The following TRPA1 variants were observed in gnomAD, a reference collection of about 807,000 sequenced individuals.
TRPA1 encodes the protein ankyrin-like with transmembrane domains 1.
Under a neutral mutation model 131.3 loss-of-function variants are expected in TRPA1, and 129 were observed. That is an observed-to-expected ratio of 0.98 (90% confidence interval 0.85 to 1.14). The LOEUF (loss-of-function observed/expected upper bound fraction) is 1.14, where lower values mean the gene tolerates loss of function less well. TRPA1 is among the 50% of genes most tolerant of loss of function. The pLI is 0.00. For missense variants in TRPA1, 1,304 were observed against 1,354.2 expected (o/e 0.96, Z 0.58); for synonymous variants, 441 against 451.7 (o/e 0.98, Z 0.30).
At chr8:72,030,221 G>A (rs1811762128) in intron 23 of TRPA1, among the ~76,000 whole-genome samples, 1 of 152,154 alleles carries the variant, frequency 6.6e-6, no homozygotes, top group Non-Finnish European at 1.5e-5. Flanking sequence ...ATGGCAGAAA[G>A]GCAAAGGAGC....
At chr8:72,034,416 A>C (rs748326758) in intron 21 of TRPA1, 39 bp from the exon 22 acceptor site, 2 of 1,312,512 alleles carry the variant, frequency 1.5e-6, no homozygotes, top group Non-Finnish European at 2.1e-6. Context: ...TCACTTTTAT[A>C]GTCAAAGTGT....
intron 24 of TRPA1, among the ~76,000 whole-genome samples, chr8:72,029,110 A>G (rs1264476290): frequency 6.6e-6 from 1 of 152,238 alleles, no homozygotes; most frequent in Non-Finnish European, 1.5e-5. Context: ...CCTAGCCAGG[A>G]AACTTTGACA....
chr8:72,068,875 G>A (rs1805989414), intron 3 of TRPA1, 148 bp downstream of exon 3: 2 of 822,346 alleles, frequency 2.4e-6, no homozygotes, highest in African/African-American at 1.7e-5. Context: ...TCATTAGTTA[G>A]TGAGAAGTAA....
Position 72,071,744 on chromosome 8 carries a change from T to C in TRPA1, c.235A>G (p.Met79Val). 1 of 1,613,850 alleles carries C rather than the reference T, an allele frequency of 6.2e-7. No homozygotes were observed. The highest frequency in any genetic ancestry group is 8.5e-7 in the Non-Finnish European group (1 of 1,179,858). ...GAGGAATCTCTGGTGATCTTCTCCA[T>C]TAGCTCAATTTGGCCTTCTGCTGCA... ...YAAAEGQIEL[M>V]EKITRDSSLE... Residue 79 changes from methionine (M) to valine (V), a missense_variant, in exon 2 of 27, where the codon ATG becomes GTG. Met to Val is a conservative substitution (Grantham distance 21). Coordinates refer to ENST00000262209, the MANE Select transcript of TRPA1 (RefSeq NM_007332.3).
chr8:72,034,540 A>T (rs1260279719), intron 21 of TRPA1, among the ~76,000 whole-genome samples, 163 bp from the exon 22 acceptor site: 1 of 152,204 alleles, frequency 6.6e-6, no homozygotes, highest in African/African-American at 2.4e-5. Flanking sequence ...TTGAATAATC[A>T]TGTCTTAATT....
In TRPA1 at chr8:72,033,947, CT is replaced by C. The variant is rs1234850887; in HGVS notation, c.2686-122del. 37 of 941,940 alleles carry C rather than the reference CT, an allele frequency of 3.9e-5. No individual in the cohort carries two copies. The East Asian group carries it at 9.1e-4, about 23-fold the overall frequency. 58.3% of individuals were successfully genotyped at this position (941,940 alleles called of 1,614,324 possible). On this transcript the variant is annotated intron_variant, in intron 22 of 26. Coordinates refer to ENST00000262209, the MANE Select transcript of TRPA1 (RefSeq NM_007332.3). ...CTTTTTTAAAGTCATAGGCATATAG[CT>C]GTTGAAATGCAGTGATAAAATATAG...
chr8:72,026,978 T>C (rs1321427218), intron 24 of TRPA1, among the ~76,000 whole-genome samples: 1 of 152,166 alleles, frequency 6.6e-6, no homozygotes, highest in Non-Finnish European at 1.5e-5. Flanking sequence ...TTATAGCACT[T>C]ATCACCATTT....
intron 23 of TRPA1, among the ~76,000 whole-genome samples, 159 bp downstream of exon 23, chr8:72,033,485 G>C (rs1000448420): frequency 2.0e-5 from 3 of 152,130 alleles, no homozygotes; most frequent in Non-Finnish European, 4.4e-5. Context: ...GATGTGCCTG[G>C]TGCTCCCCAG....
chr8:72,044,298 A>C (rs147489809), intron 17 of TRPA1, among the ~76,000 whole-genome samples: 1 of 151,948 alleles, frequency 6.6e-6, no homozygotes, highest in African/African-American at 2.4e-5. Flanking sequence ...ATTTAAAATT[A>C]ATGGTTTCTT....
chr8:72,053,601 T>A, intron 13 of TRPA1, 152 bp downstream of exon 13: 3 of 682,402 alleles, frequency 4.4e-6, no homozygotes, highest in Non-Finnish European at 8.0e-6. Flanking sequence ...TTTTGATTCA[T>A]ACTTCACCTC....
In TRPA1 at chr8:72,064,696, T is replaced by C. The variant is rs1017525314; in HGVS notation, c.552+755A>G. Among the ~76,000 whole-genome samples, 4 of 152,174 alleles carry C rather than the reference T, an allele frequency of 2.6e-5. No homozygotes were observed. In the East Asian group the frequency reaches 5.8e-4, roughly 22 times the overall value. On this transcript the variant is annotated intron_variant, in intron 4 of 26. Coordinates refer to ENST00000262209, the MANE Select transcript of TRPA1 (RefSeq NM_007332.3). ...AATTGCATTTTCTTATTCTCTGAGA[T>C]GGTGAAGAGGCAAAATCAAGTGGTA...
At chr8:72,050,040 C>T (rs1476017011) in intron 15 of TRPA1, among the ~76,000 whole-genome samples, 1 of 151,978 alleles carries the variant, frequency 6.6e-6, no homozygotes, top group Admixed American at 6.6e-5. Flanking sequence ...GTTTGCTGCA[C>T]CCATTAACTT....
Position 72,021,842 on chromosome 8 carries a change from G to T in TRPA1, c.*1064C>A, listed in dbSNP as rs904415577. ...AATGAGTAGAAAAAATAGGAAATAA[G>T]TGAGAATTATAAGAGAAATAAGAAG... On this transcript the variant is annotated 3_prime_UTR_variant, in exon 27 of 27. Transcript: ENST00000262209. 1 of 152,114 alleles carries T rather than the reference G, an allele frequency of 6.6e-6. No individual in the cohort carries two copies. The highest frequency in any genetic ancestry group is 2.4e-5 in the African/African-American group (1 of 41,434). 9.4% of individuals were successfully genotyped at this position (152,114 alleles called of 1,614,324 possible).
At chr8:72,051,281 A>T (rs1585868819) in intron 14 of TRPA1, among the ~76,000 whole-genome samples, 1 of 152,310 alleles carries the variant, frequency 6.6e-6, no homozygotes, top group South Asian at 2.1e-4. Context: ...TTTAATAACT[A>T]ATACATGTGT....
In TRPA1 at chr8:72,036,501, G is replaced by A. The variant is rs1264077220; in HGVS notation, c.2386-44C>T. On this transcript the variant is annotated intron_variant, in intron 20 of 26. Transcript: ENST00000262209. ...AAAAATTACCACATATAGAGACCTA[G>A]CATCTATGGATGGTTATATACATGC... 3 of 1,552,930 alleles carry A rather than the reference G, an allele frequency of 1.9e-6. No individual in the cohort carries two copies. The South Asian group carries it at 3.4e-5, about 17-fold the overall frequency.
At chr8:72,041,765 G>T (rs1000715938) in intron 17 of TRPA1, among the ~76,000 whole-genome samples, 4 of 151,782 alleles carry the variant, frequency 2.6e-5, no homozygotes, top group Middle Eastern at 3.4e-3. Context: ...AAAGAAGAAA[G>T]ATTTTAAATC....
At position 72,075,509 on chromosome 8, in the gene TRPA1, C is replaced by T. The variant is rs1806159720; in HGVS notation, c.-100G>A. 4 of 958,402 alleles carry T rather than the reference C, an allele frequency of 4.2e-6. No homozygotes were observed. The highest frequency in any genetic ancestry group is 6.6e-6 in the Non-Finnish European group (4 of 602,492). 59.4% of individuals were successfully genotyped at this position (958,402 alleles called of 1,614,324 possible). On this transcript the variant is annotated 5_prime_UTR_variant, in exon 1 of 27. Coordinates refer to ENST00000262209, the MANE Select transcript of TRPA1 (RefSeq NM_007332.3). ...AGCCTGCCAGGCGCTGGGGTCCGCG[C>T]GAGCCCGAGCTCTCCCGCGCTGCAG...
Position 72,023,133 on chromosome 8 carries a change from A to G in TRPA1, c.3150-17T>C, listed in dbSNP as rs1406915504. ...TCCTTCAGCCTAAAAGGACATACAC[A>G]TTTCATGAATTTATTTTCAGTTCTT... is the stretch of plus-strand genomic sequence containing the variant. On this transcript the variant is annotated splice_polypyrimidine_tract_variant and intron_variant, in intron 26 of 26. Transcript: ENST00000262209. 1.0e-5 allele frequency: 16 copies of G among 1,607,854 alleles called. No individual in the cohort carries two copies. The African/African-American group carries it at 1.6e-4, about 16-fold the overall frequency.
intron 14 of TRPA1, 140 bp downstream of exon 14, chr8:72,052,458 TA>T (rs1023116057): frequency 4.0e-6 from 4 of 996,610 alleles, no homozygotes; most frequent in African/African-American, 1.6e-5. Context: ...AAAAAACCTT[TA>T]AAAAATTGAT....
Sources: allele counts gnomAD v4.1 joint callset (sites outside exome capture counted in the v4.1 genomes callset), GRCh38; gene constraint gnomAD v4.1.1; transcripts MANE v1.5; gene names NCBI Gene and HGNC (gene_info 2026-07-23, HGNC 2026-07-21).